BDKRB2: variants seen among roughly 807,000 people sequenced by gnomAD.
BDKRB2 encodes the protein bradykinin receptor B2, also known as B2 bradykinin receptor.
In BDKRB2, 6 loss-of-function variants were observed where a neutral mutation model predicts 4.0. The observed-to-expected ratio is 1.49, with a 90% CI of 0.81 to 2.93. BDKRB2 has a LOEUF of 2.93. BDKRB2 is among the 30% of genes most tolerant of loss of function. The probability of loss-of-function intolerance (pLI) is 0.00; values close to 1 mark genes in which losing one functional copy is unlikely to be tolerated. For synonymous variants in BDKRB2, 225 were observed against 215.3 expected, an observed-to-expected ratio of 1.05 and a Z score of -0.40; for missense variants, 478 against 520.1, an observed-to-expected ratio of 0.92 and a Z score of 0.79.
intron 1 of BDKRB2, among the ~76,000 whole-genome samples, chr14:96,223,632 G>T (rs1038974656): frequency 2.6e-5 from 4 of 152,112 alleles, no homozygotes; most frequent in Admixed American, 6.5e-5. Flanking sequence ...GATGGAGGAA[G>T]CATCTGAGTT....
At chr14:96,223,573 T>C (rs1179623870) in intron 1 of BDKRB2, among the ~76,000 whole-genome samples, 1 of 152,074 alleles carries the variant, frequency 6.6e-6, no homozygotes, top group Non-Finnish European at 1.5e-5. Context: ...CTCAGCTGAG[T>C]GTGACCCTAG....
At position 96,208,350 on chromosome 14, in the gene BDKRB2, G is replaced by A. The variant is rs549273643; in HGVS notation, c.-40+3391G>A. 2.3e-3 allele frequency among the ~76,000 whole-genome samples: 350 copies of A among 152,156 alleles called. 1 individual carries two copies. Among genetic ancestry groups the A allele is most frequent in the African/African-American group, 7.9e-3 (328 of 41,508 alleles). ...GATTCTGGAGGCTGGAAACATATGT[G>A]CCTCCCCCTCCCCACACACATTCCA... On this transcript the variant is annotated intron_variant, in intron 1 of 2. Transcript: ENST00000554311.
At chr14:96,213,436 G>C (rs957507922) in intron 1 of BDKRB2, among the ~76,000 whole-genome samples, 5 of 151,820 alleles carry the variant, frequency 3.3e-5, no homozygotes, top group African/African-American at 1.2e-4. Flanking sequence ...CCAGCATCAG[G>C]AGCCATGTGG....
intron 1 of BDKRB2, among the ~76,000 whole-genome samples, chr14:96,220,031 T>C (rs1041830661): frequency 3.3e-5 from 5 of 151,946 alleles, no homozygotes; most frequent in Non-Finnish European, 5.9e-5. Flanking sequence ...ATTTATACCA[T>C]AGAAATTTGC....
In BDKRB2 at chr14:96,204,907, C is replaced by T. The variant is rs1396970218; in HGVS notation, c.-92C>T. 1 of 313,884 alleles carries T rather than the reference C, an allele frequency of 3.2e-6. No individual in the cohort carries two copies. Among genetic ancestry groups the T allele is most frequent in the South Asian group, 2.3e-5 (1 of 43,342 alleles). The allele number at this position is 313,884 out of a possible 1,614,324, so 19.4% of individuals were successfully genotyped here. On this transcript the variant is annotated 5_prime_UTR_variant, in exon 1 of 3. Coordinates refer to ENST00000554311, the MANE Select transcript of BDKRB2 (RefSeq NM_001379692.1). Reference sequence around the variant, plus strand: ...TGGGGACGGTGGGGACATCAGGCTGCCCCGCAGTACCAGGGAGCGACTGAA... The same window carrying T: ...TGGGGACGGTGGGGACATCAGGCTGTCCCGCAGTACCAGGGAGCGACTGAA...
intron 2 of BDKRB2, chr14:96,239,284 T>C (rs1387977817): frequency 6.2e-6 from 6 of 974,154 alleles, no homozygotes; most frequent in Admixed American, 1.2e-4. Context: ...AAAAAAGAAA[T>C]GCAAAGCGAT....
chr14:96,220,954 C>T (rs1595253105), intron 1 of BDKRB2, among the ~76,000 whole-genome samples: 1 of 152,150 alleles, frequency 6.6e-6, no homozygotes, highest in Non-Finnish European at 1.5e-5. Flanking sequence ...CCTGGGAGAC[C>T]CCTGAGGGCA....
At chr14:96,217,606 G>A (rs997354906) in intron 1 of BDKRB2, among the ~76,000 whole-genome samples, 1 of 152,218 alleles carries the variant, frequency 6.6e-6, no homozygotes, top group African/African-American at 2.4e-5. Flanking sequence ...ATAACAACTG[G>A]GTCCCCCATC....
At chr14:96,230,884 G>A (rs1890803509) in intron 1 of BDKRB2, among the ~76,000 whole-genome samples, 1 of 152,102 alleles carries the variant, frequency 6.6e-6, no homozygotes, top group African/African-American at 2.4e-5. Context: ...CCAAAGTGCT[G>A]GGATTACAGG....
intron 1 of BDKRB2, among the ~76,000 whole-genome samples, chr14:96,207,735 T>C (rs1042306030): frequency 6.6e-6 from 1 of 152,126 alleles, no homozygotes; most frequent in African/African-American, 2.4e-5. Flanking sequence ...GTCTCCGTAC[T>C]TTCTGCTCAA....
chr14:96,239,747 G>T (rs747970172), intron 2 of BDKRB2: 56 of 974,242 alleles, frequency 5.7e-5, no homozygotes, highest in Non-Finnish European at 6.5e-5. Context: ...GCGTCACACG[G>T]CTTATAAGTA....
At chr14:96,212,656 G>T (rs749147863) in intron 1 of BDKRB2, among the ~76,000 whole-genome samples, 3 of 152,006 alleles carry the variant, frequency 2.0e-5, no homozygotes, top group Non-Finnish European at 4.4e-5. Context: ...GTAAAGAGTA[G>T]CCTGCAGCCA....
At chr14:96,209,536 G>A (rs1365534731) in intron 1 of BDKRB2, among the ~76,000 whole-genome samples, 2 of 152,136 alleles carry the variant, frequency 1.3e-5, no homozygotes, top group Non-Finnish European at 2.9e-5. Context: ...GGGGAAAGAA[G>A]GAAAAATCGG....
At chr14:96,211,440 G>A (rs1243621638) in intron 1 of BDKRB2, among the ~76,000 whole-genome samples, 2 of 152,236 alleles carry the variant, frequency 1.3e-5, no homozygotes, top group African/African-American at 4.8e-5. Flanking sequence ...GATCCAGAAA[G>A]CAATGGCTAG....
chr14:96,226,811 G>A (rs1182592912), intron 1 of BDKRB2, among the ~76,000 whole-genome samples: 1 of 152,186 alleles, frequency 6.6e-6, no homozygotes, highest in Non-Finnish European at 1.5e-5. Context: ...TAATTTCCAA[G>A]AGCCCTTCCC....
Position 96,241,534 on chromosome 14 carries a change from G to T in BDKRB2, c.*30G>T. ...ACGCCAGCAGGGCTGCTGTGAATTTGTGTAAGGATTGAGGGACAGTTGCTT... is the reference window on the plus strand; with the variant it reads ...ACGCCAGCAGGGCTGCTGTGAATTTTTGTAAGGATTGAGGGACAGTTGCTT... On this transcript the variant is annotated 3_prime_UTR_variant, in exon 3 of 3. Transcript: ENST00000554311. 1 of 1,507,250 alleles carries T rather than the reference G, an allele frequency of 6.6e-7. No individual in the cohort carries two copies. Among genetic ancestry groups the T allele is most frequent in the South Asian group, 1.3e-5 (1 of 75,344 alleles). 93.4% of individuals were successfully genotyped at this position (1,507,250 alleles called of 1,614,324 possible). A position where few individuals can be genotyped will look rare whatever the true frequency, so the allele number is the denominator to read the frequency against.
At chr14:96,214,701 G>GC (rs1440193068) in intron 1 of BDKRB2, 1 of 152,340 alleles carries the variant, frequency 6.6e-6, no homozygotes, top group Non-Finnish European at 1.5e-5. Flanking sequence ...CAGCCTCCAA[G>GC]CCCTCACCTA....
rs188236338 is a variant in BDKRB2 at position 96,230,678 on chromosome 14, T to G, written c.-39-6391T>G. On this transcript the variant is annotated intron_variant, in intron 1 of 2. Coordinates refer to ENST00000554311, the MANE Select transcript of BDKRB2 (RefSeq NM_001379692.1). ...CGTCACCTAGGTTGGAGTGCAACGG[T>G]GGGATCTCAGCTCACTGCAACCTCT... Among the ~76,000 whole-genome samples, 528 of 150,584 alleles carry G rather than the reference T, an allele frequency of 3.5e-3. 1 individual carries two copies. Among genetic ancestry groups the G allele is most frequent in the African/African-American group, 0.012 (497 of 40,992 alleles).
intron 1 of BDKRB2, among the ~76,000 whole-genome samples, chr14:96,225,674 T>G (rs780451140): frequency 1.3e-5 from 2 of 152,118 alleles, no homozygotes; most frequent in Non-Finnish European, 2.9e-5. Context: ...ACTCCACCTG[T>G]CCCAGCTCAG....
Sources: gnomAD v4.1 joint callset for allele counts (sites outside exome capture counted in the v4.1 genomes callset) on GRCh38, gnomAD v4.1.1 for gene constraint, MANE v1.5 for transcripts, NCBI Gene and HGNC (gene_info 2026-07-23, HGNC 2026-07-21) for gene names.